The following CSMD1 variants were observed in gnomAD, a reference collection of about 807,000 sequenced individuals.
The protein encoded by CSMD1 is CUB and Sushi multiple domains 1.
Under a neutral mutation model 417.5 loss-of-function variants are expected in CSMD1, and 213 were observed. The observed-to-expected ratio is 0.51, with a 90% CI of 0.46 to 0.57. The LOEUF (loss-of-function observed/expected upper bound fraction) is 0.57. Ranked by LOEUF, CSMD1 falls within the 20% of genes least tolerant of loss-of-function variation. CSMD1 has a pLI of 0.00. For missense variants in CSMD1, 6,923 were observed against 4,529.7 expected, an observed-to-expected ratio of 1.53 and a Z score of -15.17; for synonymous variants, 2,862 against 1,736.8, an observed-to-expected ratio of 1.65 and a Z score of -16.11.
At chr8:4,599,228 A>G (rs1235232214) in intron 2 of CSMD1, among the ~76,000 whole-genome samples, 3 of 152,208 alleles carry the variant, frequency 2.0e-5, no homozygotes, top group African/African-American at 7.2e-5. Flanking sequence ...AGATAGGACA[A>G]AATGAGATTA....
At chr8:3,846,954 C>T (rs1038016149) in intron 5 of CSMD1, among the ~76,000 whole-genome samples, 8 of 152,232 alleles carry the variant, frequency 5.3e-5, no homozygotes, top group African/African-American at 7.2e-5. Context: ...TGATTACAGC[C>T]GTGAGCCACT....
intron 23 of CSMD1, among the ~76,000 whole-genome samples, chr8:3,311,847 A>G (rs1453172991): frequency 6.6e-6 from 1 of 152,206 alleles, no homozygotes; most frequent in Admixed American, 6.5e-5. Context: ...TGTGGGACTT[A>G]CAAATTGTTT....
At chr8:4,038,947 C>T (rs1797751677) in intron 3 of CSMD1, among the ~76,000 whole-genome samples, 1 of 152,176 alleles carries the variant, frequency 6.6e-6, no homozygotes, top group Non-Finnish European at 1.5e-5. Flanking sequence ...GGTCACAATT[C>T]AGTGACTTAA....
intron 10 of CSMD1, among the ~76,000 whole-genome samples, chr8:3,527,128 T>C (rs1200863591): frequency 6.6e-6 from 1 of 152,006 alleles, no homozygotes; most frequent in East Asian, 1.9e-4. Flanking sequence ...AGACAACATA[T>C]GAGCCCTCGG....
intron 37 of CSMD1, among the ~76,000 whole-genome samples, chr8:3,178,496 T>A (rs1821081693): frequency 6.6e-6 from 1 of 152,154 alleles, no homozygotes; most frequent in African/African-American, 2.4e-5. Context: ...TCTGGATACC[T>A]CGCAAGGTGC....
intron 5 of CSMD1, among the ~76,000 whole-genome samples, chr8:3,781,842 G>C (rs1025531776): frequency 2.0e-5 from 3 of 152,028 alleles, no homozygotes; most frequent in Admixed American, 1.3e-4. Context: ...ATACTTCCTA[G>C]ATTCATTTGT....
At chr8:4,395,833 C>G (rs751121710) in intron 3 of CSMD1, among the ~76,000 whole-genome samples, 9 of 152,098 alleles carry the variant, frequency 5.9e-5, no homozygotes, top group Admixed American at 2.0e-4. Flanking sequence ...TACACATTAA[C>G]TTAGAAAATG....
rs191206709 is a variant in CSMD1 at position 3,449,734 on chromosome 8, T to A, written c.1561+18978A>T. Reference sequence around the variant, plus strand: ...GGTTTCACCATGTTGGTCAGGCCTGTCTCAAACTCTTGACCTCAGGTGATC... The same window carrying A: ...GGTTTCACCATGTTGGTCAGGCCTGACTCAAACTCTTGACCTCAGGTGATC... On this transcript the variant is annotated intron_variant, in intron 12 of 69. Coordinates refer to ENST00000635120, the MANE Select transcript of CSMD1 (RefSeq NM_033225.6). 1.7e-3 allele frequency among the ~76,000 whole-genome samples: 266 copies of A among 152,232 alleles called. 1 individual carries two copies. The highest frequency in any genetic ancestry group is 3.5e-3 in the South Asian group (17 of 4,816).
chr8:4,682,901 G>A (rs890172610), intron 1 of CSMD1, among the ~76,000 whole-genome samples: 10 of 144,108 alleles, frequency 6.9e-5, no homozygotes, highest in African/African-American at 2.3e-4. Context: ...TAATAACTTT[G>A]GAACATTTTT....
chr8:3,275,515 G>T (rs1031776670), intron 26 of CSMD1, among the ~76,000 whole-genome samples: 1 of 152,182 alleles, frequency 6.6e-6, no homozygotes, highest in African/African-American at 2.4e-5. Flanking sequence ...ATAATATCCT[G>T]CAGAGTGTTT....
chr8:3,662,644 AT>A (rs896716786), intron 7 of CSMD1, among the ~76,000 whole-genome samples: 2 of 152,120 alleles, frequency 1.3e-5, no homozygotes, highest in South Asian at 2.1e-4. Context: ...TGAATACACC[AT>A]TTTTTATGCA....
chr8:3,552,822 T>C (rs944383895), intron 10 of CSMD1, among the ~76,000 whole-genome samples: 5 of 152,298 alleles, frequency 3.3e-5, no homozygotes, highest in South Asian at 2.1e-4. Context: ...AATTTTAAAA[T>C]TGTATAATTT....
At position 3,108,648 on chromosome 8, in the gene CSMD1, G is replaced by A. The variant is rs1210922915; in HGVS notation, c.6709C>T (p.His2237Tyr). ...AAGCCTCCATTTGAAAAGTCGCTGT[G>A]GAACTTGAGCAGGACTTGGTTGGTG... is the stretch of plus-strand genomic sequence containing the variant. ...SSTNQVLLKF[H>Y]SDFSNGGFFV... Residue 2237 changes from histidine to tyrosine, a missense_variant, in exon 44 of 70, where the codon CAC becomes TAC. Coordinates refer to ENST00000635120, the MANE Select transcript of CSMD1 (RefSeq NM_033225.6). The A allele has an allele frequency of 1.9e-6, 3 of 1,613,804 alleles. No individual in the cohort carries two copies. Among genetic ancestry groups the A allele is most frequent in the Middle Eastern group, 1.7e-4 (1 of 6,060 alleles).
intron 5 of CSMD1, 79 bp downstream of exon 5, chr8:3,997,824 G>A (rs950313809): frequency 1.1e-5 from 14 of 1,300,480 alleles, no homozygotes; most frequent in East Asian, 7.5e-5. Flanking sequence ...CCAGAGACAA[G>A]CAATTCTTGA....
chr8:4,389,642 C>G (rs1024692675), intron 3 of CSMD1, among the ~76,000 whole-genome samples: 2 of 152,116 alleles, frequency 1.3e-5, no homozygotes, highest in African/African-American at 4.8e-5. Context: ...ATCGTAGTAT[C>G]CACTTCCCTC....
At position 3,351,679 on chromosome 8, in the gene CSMD1, T is replaced by C. The variant is rs1808434333; in HGVS notation, c.3305-3518A>G. Among the ~76,000 whole-genome samples, 4 of 148,802 alleles carry C rather than the reference T, an allele frequency of 2.7e-5. No individual in the cohort carries two copies. In the South Asian group the frequency reaches 8.4e-4, roughly 31 times the overall value. ...ACTAGAAAAATTATTTTAATACATA[T>C]ACATTAAATGATATACGAATAATTG... On this transcript the variant is annotated intron_variant, in intron 21 of 69. Coordinates refer to ENST00000635120, the MANE Select transcript of CSMD1 (RefSeq NM_033225.6).
intron 1 of CSMD1, among the ~76,000 whole-genome samples, chr8:4,751,376 G>C (rs571573302): frequency 1.4e-4 from 21 of 150,024 alleles, no homozygotes; most frequent in Admixed American, 4.0e-4. Context: ...GGACGACAGA[G>C]CAAGACTCTG....
In CSMD1 at chr8:4,753,880, G is replaced by C. The variant is rs7826285; in HGVS notation, c.86-116322C>G. ...AGATTCCTTTACTTCTTCTAAGCTA[G>C]AAGGTGGCAGGGAGTTGTTTTCCTG... On this transcript the variant is annotated intron_variant, in intron 1 of 69. Coordinates refer to ENST00000635120, the MANE Select transcript of CSMD1 (RefSeq NM_033225.6). Among the ~76,000 whole-genome samples the C allele has an allele frequency of 6.3e-3, 957 of 152,256 alleles. 18 individuals are homozygous for C. The highest frequency in any genetic ancestry group is 0.021 in the African/African-American group (875 of 41,542).
intron 5 of CSMD1, among the ~76,000 whole-genome samples, chr8:3,854,666 A>G (rs1368005326): frequency 6.6e-6 from 1 of 151,614 alleles, no homozygotes; most frequent in Non-Finnish European, 1.5e-5. Flanking sequence ...TGTGGAAGAG[A>G]GGGGGATGGA....
Sources: allele counts gnomAD v4.1 joint callset (sites outside exome capture counted in the v4.1 genomes callset), GRCh38; gene constraint gnomAD v4.1.1; transcripts MANE v1.5; gene names NCBI Gene and HGNC (gene_info 2026-07-23, HGNC 2026-07-21).